AVEN: variants seen among roughly 807,000 people sequenced by gnomAD.
The protein encoded by AVEN is apoptosis and caspase activation inhibitor, also known as cell death regulator Aven.
AVEN carries 41 observed loss-of-function variants against 38.1 expected under a neutral mutation model. The observed-to-expected ratio is 1.08, with a 90% CI of 0.84 to 1.40. AVEN has a LOEUF of 1.40. Ranked by LOEUF, AVEN falls within the 40% of genes most tolerant of loss-of-function variation. The pLI is 0.00. For synonymous variants in AVEN, 206 were observed against 171.8 expected, an observed-to-expected ratio of 1.20 and a Z score of -1.56; for missense variants, 605 against 438.8, an observed-to-expected ratio of 1.38 and a Z score of -3.38.
chr15:34,038,735 C>T (rs1360610195), intron 1 of AVEN, 45 bp downstream of exon 1: 6 of 1,138,314 alleles, frequency 5.3e-6, no homozygotes, highest in African/African-American at 1.7e-5. Flanking sequence ...GCCCCACTTG[C>T]CCCAGTTACA....
At chr15:33,859,483 ACAATCTGACCG>A in intron 11 of AVEN, 2 of 1,468,658 alleles carry the variant, frequency 1.4e-6, no homozygotes, top group South Asian at 2.5e-5. Flanking sequence ...TAGGGCTGCC[ACAATCTGACCG>A]AATCATATGA....
intron 2 of AVEN, among the ~76,000 whole-genome samples, chr15:33,879,058 T>C (rs1891371122): frequency 6.6e-6 from 1 of 152,084 alleles, no homozygotes; most frequent in South Asian, 2.1e-4. Context: ...CACTTAAAAA[T>C]ATGGGTAAAA....
At chr15:33,860,289 T>C (rs1194639087) in intron 11 of AVEN, among the ~76,000 whole-genome samples, 1 of 152,008 alleles carries the variant, frequency 6.6e-6, no homozygotes, top group Non-Finnish European at 1.5e-5. Flanking sequence ...GGAGAGCCTA[T>C]CACACAGACT....
At chr15:34,064,832 C>G (rs1043408178) in intron 4 of AVEN, 2 of 182,330 alleles carry the variant, frequency 1.1e-5, no homozygotes, top group Admixed American at 1.1e-4. Context: ...TCTTCATAAA[C>G]TGATCACTAT....
intron 2 of AVEN, among the ~76,000 whole-genome samples, chr15:33,928,783 G>A (rs1567418091): frequency 6.6e-6 from 1 of 152,128 alleles, no homozygotes; most frequent in African/African-American, 2.4e-5. Flanking sequence ...GGCAGGAAGG[G>A]CCTTTAATGC....
intron 1 of AVEN, among the ~76,000 whole-genome samples, chr15:34,026,679 T>C (rs1325738301): frequency 2.0e-5 from 3 of 152,174 alleles, no homozygotes; most frequent in South Asian, 4.1e-4. Context: ...AAAAAAATGA[T>C]AGACTATCAC....
intron 2 of AVEN, among the ~76,000 whole-genome samples, chr15:33,893,067 T>G (rs1022844114): frequency 6.6e-6 from 1 of 152,222 alleles, no homozygotes; most frequent in Admixed American, 6.5e-5. Context: ...GCACATTGAT[T>G]TTGTATCCTG....
At chr15:33,992,913 C>T (rs1896789649) in intron 2 of AVEN, among the ~76,000 whole-genome samples, 1 of 152,120 alleles carries the variant, frequency 6.6e-6, no homozygotes, top group Non-Finnish European at 1.5e-5. Context: ...TAGTTTTAAG[C>T]AAAAATATGC....
intron 2 of AVEN, among the ~76,000 whole-genome samples, chr15:34,068,351 G>A (rs932365837): frequency 3.3e-5 from 5 of 151,258 alleles, no homozygotes; most frequent in Non-Finnish European, 5.9e-5. Context: ...GATTACAGAC[G>A]CACGCCACCA....
chr15:33,956,426 CTCCTA>C (rs1894955495), intron 2 of AVEN, among the ~76,000 whole-genome samples: 1 of 152,216 alleles, frequency 6.6e-6, no homozygotes, highest in Non-Finnish European at 1.5e-5. Flanking sequence ...ATTTGCATCT[CTCCTA>C]TGAGTGCATT....
intron 11 of AVEN, chr15:33,859,843 T>C: frequency 1.7e-6 from 2 of 1,200,040 alleles, no homozygotes; most frequent in East Asian, 2.6e-5. Flanking sequence ...CATTTACTTG[T>C]TAATTTAGCA....
chr15:33,997,840 A>G (rs1896999425), intron 2 of AVEN, among the ~76,000 whole-genome samples: 1 of 152,236 alleles, frequency 6.6e-6, no homozygotes, highest in East Asian at 1.9e-4. Context: ...CTGGGCCTGC[A>G]CCCATACAGC....
intron 2 of AVEN, among the ~76,000 whole-genome samples, chr15:33,924,539 C>G (rs1277645623): frequency 6.6e-6 from 1 of 152,082 alleles, no homozygotes; most frequent in Non-Finnish European, 1.5e-5. Flanking sequence ...CCAGACTGGT[C>G]TTCAACACCT....
At chr15:33,916,888 G>A (rs566112811) in intron 2 of AVEN, among the ~76,000 whole-genome samples, 133 of 152,072 alleles carry the variant, frequency 8.7e-4, no homozygotes, top group African/African-American at 3.1e-3. Context: ...TTACAAACAT[G>A]GTGGAAGGGG....
At chr15:33,890,878 G>A (rs2153040390) in intron 2 of AVEN, among the ~76,000 whole-genome samples, 1 of 152,312 alleles carries the variant, frequency 6.6e-6, no homozygotes, top group Non-Finnish European at 1.5e-5. Context: ...TTGGGAGGCT[G>A]AAGAGGATCA....
chr15:34,047,681 A>G (rs939629271), intron 5 of AVEN, among the ~76,000 whole-genome samples: 3 of 152,174 alleles, frequency 2.0e-5, no homozygotes, highest in Admixed American at 2.0e-4. Context: ...CAGTCCAGAC[A>G]AGGAAAGGTC....
intron 2 of AVEN, among the ~76,000 whole-genome samples, chr15:33,881,780 G>A (rs1226924183): frequency 1.3e-5 from 2 of 152,142 alleles, no homozygotes; most frequent in East Asian, 3.9e-4. Flanking sequence ...GATAGCAAGG[G>A]GTATTCACAG....
chr15:34,063,911 C>T lies in AVEN; in HGVS notation n.1127-479G>A. Reference sequence around the variant, plus strand: ...ACCAGGAGACCAACAATGGCTGTCACAAGGTGAAAATCATGCCCTGCCCCT... The same window carrying T: ...ACCAGGAGACCAACAATGGCTGTCATAAGGTGAAAATCATGCCCTGCCCCT... On this transcript the variant is annotated intron_variant and non_coding_transcript_variant, in intron 4 of 11. Coordinates refer to the AVEN transcript ENST00000675287. The surrounding 1 kb of genome is among the most constrained non-coding windows in gnomAD (Gnocchi z 4.1). 1 of 1,614,198 alleles carries T rather than the reference C, an allele frequency of 6.2e-7. No homozygotes were observed. Among genetic ancestry groups the T allele is most frequent in the Non-Finnish European group, 8.5e-7 (1 of 1,180,036 alleles).
At chr15:33,856,306 C>CACTT, downstream of AVEN, 1 of 152,418 alleles carries the variant, frequency 6.6e-6, no homozygotes, top group East Asian at 1.9e-4. Flanking sequence ...CTGATCTTCA[C>CACTT]ACTTACCCAC....
Sources: gnomAD v4.1 joint callset for allele counts (sites outside exome capture counted in the v4.1 genomes callset) on GRCh38, gnomAD v4.1.1 for gene constraint, Gnocchi (gnomAD v3.1) non-coding constraint, MANE v1.5 for transcripts, NCBI Gene and HGNC (gene_info 2026-07-23, HGNC 2026-07-21) for gene names.